Variants in NYAP2 observed in about 807,000 individuals in gnomAD.
NYAP2 encodes the protein neuronal tyrosine-phosphorylated phosphoinositide-3-kinase adapter 2.
In NYAP2, 23 loss-of-function variants were observed where a neutral mutation model predicts 50.4. The observed-to-expected ratio is 0.46, with a 90% CI of 0.33 to 0.65. The LOEUF (loss-of-function observed/expected upper bound fraction) is 0.65. Ranked by LOEUF, NYAP2 falls within the 30% of genes least tolerant of loss-of-function variation. The pLI, the probability that NYAP2 is intolerant of heterozygous loss-of-function variation, is 0.02. For synonymous variants in NYAP2, 394 were observed against 365.2 expected (o/e 1.08, Z -0.90); for missense variants, 885 against 861.0 (o/e 1.03, Z -0.35).
At chr2:225,476,389 G>A (rs1444208711) in intron 3 of NYAP2, among the ~76,000 whole-genome samples, 1 of 151,260 alleles carries the variant, frequency 6.6e-6, no homozygotes, top group Admixed American at 6.6e-5. Flanking sequence ...CTCCAGCCTG[G>A]GTGACAGAGC....
chr2:225,654,868 C>T (rs1474756693), downstream of NYAP2, among the ~76,000 whole-genome samples: 3 of 152,170 alleles, frequency 2.0e-5, no homozygotes, highest in Non-Finnish European at 4.4e-5. Context: ...TTGTTGTTGT[C>T]ATCCCATCTC....
At chr2:225,415,286 C>T (rs1211419081) in intron 3 of NYAP2, among the ~76,000 whole-genome samples, 1 of 152,034 alleles carries the variant, frequency 6.6e-6, no homozygotes, top group East Asian at 1.9e-4. Context: ...TCAAAAAGAA[C>T]CACTAAAGTC....
At chr2:225,550,957 A>G (rs1354588905) in intron 4 of NYAP2, among the ~76,000 whole-genome samples, 5 of 152,210 alleles carry the variant, frequency 3.3e-5, no homozygotes, top group Non-Finnish European at 7.3e-5. Context: ...GCTGAATAAT[A>G]TTACAGAAAA....
At chr2:225,675,439 C>T in the NYAP2 span, among the ~76,000 whole-genome samples, 1 of 152,108 alleles carries the variant, frequency 6.6e-6, no homozygotes. Flanking sequence ...GGATAATGGC[C>T]TCCAGCATCA....
intron 6 of NYAP2, among the ~76,000 whole-genome samples, chr2:225,648,189 T>C (rs1013221598): frequency 6.6e-6 from 1 of 151,908 alleles, no homozygotes; most frequent in Non-Finnish European, 1.5e-5. Context: ...TTAGTAGAGA[T>C]AGGGTTTCAC....
intron 4 of NYAP2, among the ~76,000 whole-genome samples, chr2:225,518,693 A>G (rs1474508912): frequency 6.8e-6 from 1 of 147,740 alleles, no homozygotes; most frequent in Non-Finnish European, 1.5e-5. Context: ...ATAACATATT[A>G]TACATGGCAA....
At chr2:225,539,462 A>G (rs533564023) in intron 4 of NYAP2, among the ~76,000 whole-genome samples, 1 of 152,354 alleles carries the variant, frequency 6.6e-6, no homozygotes, top group East Asian at 1.9e-4. Context: ...ACTCCCATTA[A>G]CAATGTAAAA....
chr2:225,694,704 A>G, the NYAP2 span, among the ~76,000 whole-genome samples: 2 of 151,918 alleles, frequency 1.3e-5, no homozygotes, highest in African/African-American at 4.8e-5. Context: ...AATTGATAGC[A>G]GATATAAAAT....
At chr2:225,482,154 C>G (rs1036541581) in intron 3 of NYAP2, among the ~76,000 whole-genome samples, 2 of 152,058 alleles carry the variant, frequency 1.3e-5, no homozygotes, top group African/African-American at 4.8e-5. Context: ...TCTACAGTGA[C>G]TTGATTTAAA....
intron 3 of NYAP2, among the ~76,000 whole-genome samples, chr2:225,456,792 C>T (rs931956974): frequency 6.6e-6 from 1 of 152,138 alleles, no homozygotes; most frequent in Non-Finnish European, 1.5e-5. Context: ...CAGCTGCAGG[C>T]ATACCCCAGC....
chr2:225,665,184 A>T, the NYAP2 span, among the ~76,000 whole-genome samples: 1 of 152,072 alleles, frequency 6.6e-6, no homozygotes, highest in African/African-American at 2.4e-5. Flanking sequence ...AAGTTTATTG[A>T]AGCTGAACTT....
At chr2:225,651,581 C>T in exon 7 of NYAP2, 1 of 1,613,098 alleles carries the variant, frequency 6.2e-7, no homozygotes, top group Non-Finnish European at 8.5e-7. Context: ...TGTGATACAA[C>T]TTGCCAAATG....
intron 6 of NYAP2, among the ~76,000 whole-genome samples, chr2:225,648,326 G>A (rs1693671118): frequency 6.6e-6 from 1 of 152,104 alleles, no homozygotes; most frequent in Non-Finnish European, 1.5e-5. Flanking sequence ...TAGAAAGCAA[G>A]AAGCAGTGGA....
chr2:225,574,695 A>C (rs977152684), intron 4 of NYAP2, among the ~76,000 whole-genome samples: 3 of 151,536 alleles, frequency 2.0e-5, no homozygotes, highest in African/African-American at 7.3e-5. Context: ...TTTAGATGAA[A>C]GACAGAACTA....
chr2:225,469,110 T>A (rs1022558187), intron 3 of NYAP2, among the ~76,000 whole-genome samples: 6 of 152,120 alleles, frequency 3.9e-5, no homozygotes, highest in Non-Finnish European at 8.8e-5. Flanking sequence ...ATTTTAGCAA[T>A]CTATCCGTCT....
At chr2:225,691,251 C>A in the NYAP2 span, among the ~76,000 whole-genome samples, 1 of 151,980 alleles carries the variant, frequency 6.6e-6, no homozygotes, top group East Asian at 1.9e-4. Context: ...CTTTATGAGC[C>A]TATAGTCTCT....
chr2:225,526,544 TGAAA>T (rs1302220612), intron 4 of NYAP2, among the ~76,000 whole-genome samples: 1 of 152,214 alleles, frequency 6.6e-6, no homozygotes, highest in Non-Finnish European at 1.5e-5. Context: ...TTGGCTCTTC[TGAAA>T]GAGTCTCCTT....
intron 3 of NYAP2, among the ~76,000 whole-genome samples, chr2:225,463,449 C>G (rs1421925192): frequency 6.6e-6 from 1 of 152,242 alleles, no homozygotes; most frequent in Non-Finnish European, 1.5e-5. Context: ...AATTTGATCT[C>G]TTTTTCAGGT....
At chr2:225,454,307 G>C (rs113851112) in intron 3 of NYAP2, among the ~76,000 whole-genome samples, 3 of 152,022 alleles carry the variant, frequency 2.0e-5, no homozygotes, top group Admixed American at 6.5e-5. Context: ...CTCCAGCCTG[G>C]GTGGCAGAGT....
Sources: gnomAD v4.1 joint callset for allele counts (sites outside exome capture counted in the v4.1 genomes callset) on GRCh38, gnomAD v4.1.1 for gene constraint, MANE v1.5 for transcripts, NCBI Gene and HGNC (gene_info 2026-07-23, HGNC 2026-07-21) for gene names.